Variants in COL17A1 observed in about 807,000 individuals in gnomAD.
COL17A1 encodes collagen type XVII alpha 1 chain.
A neutral mutation model predicts 218.4 loss-of-function variants in COL17A1; 181 were observed. The observed-to-expected ratio is 0.83, with a 90% CI of 0.73 to 0.94. The LOEUF is 0.94. COL17A1 is among the 40% of genes least tolerant of loss of function. COL17A1 has a pLI of 0.00. For synonymous variants in COL17A1, 721 were observed against 731.0 expected (o/e 0.99, Z 0.22); for missense variants, 1,924 against 1,945.9 (o/e 0.99, Z 0.21).
intron 9 of COL17A1, among the ~76,000 whole-genome samples, chr10:104,066,549 T>C (rs960163618): frequency 1.3e-5 from 2 of 152,106 alleles, no homozygotes; most frequent in Non-Finnish European, 2.9e-5. Context: ...AATTAGTGAA[T>C]TAACCCCCAT....
rs2134609520 is a variant in COL17A1, at chr10:104,052,349, G to A, written c.1940-132C>T. 2.5e-6 allele frequency: 3 copies of A among 1,177,360 alleles called. No homozygotes were observed. In the East Asian group the frequency reaches 7.1e-5, roughly 28 times the overall value. 72.9% of individuals were successfully genotyped at this position (1,177,360 alleles called of 1,614,324 possible). Reference sequence around the variant, plus strand: ...TTGGATCCATTTGGTGCCCCAGTGAGGCCACTTATCAGCAAAACTCCTTAG... The same window carrying A: ...TTGGATCCATTTGGTGCCCCAGTGAAGCCACTTATCAGCAAAACTCCTTAG... On this transcript the variant is annotated intron_variant, in intron 23 of 55. Transcript: ENST00000648076.
At chr10:104,047,998 G>C in intron 30 of COL17A1, 71 bp downstream of exon 30, 1 of 1,573,344 alleles carries the variant, frequency 6.4e-7, no homozygotes, top group Non-Finnish European at 8.8e-7. Flanking sequence ...TGGTTAAGGG[G>C]ACTGAGGGCT....
chr10:104,040,912 G>T (rs1172758468), intron 39 of COL17A1, among the ~76,000 whole-genome samples, 153 bp downstream of exon 39: 1 of 152,158 alleles, frequency 6.6e-6, no homozygotes, highest in Non-Finnish European at 1.5e-5. Context: ...CCCTCCATGT[G>T]CAGCAAGCAG....
intron 55 of COL17A1, 33 bp from the exon 56 acceptor site, chr10:104,032,323 CAT>C (rs1491132568): frequency 8.8e-6 from 14 of 1,593,998 alleles, no homozygotes; most frequent in Non-Finnish European, 1.0e-5. Flanking sequence ...GAAGTTAAAA[CAT>C]ATCTTGTGGC....
intron 24 of COL17A1, among the ~76,000 whole-genome samples, 200 bp downstream of exon 24, chr10:104,051,955 G>T (rs1232176073): frequency 6.6e-6 from 1 of 152,156 alleles, no homozygotes; most frequent in Non-Finnish European, 1.5e-5. Flanking sequence ...CCATTATGGG[G>T]CTAAACTTAC....
intron 50 of COL17A1, 57 bp from the exon 51 acceptor site, chr10:104,034,824 C>G: frequency 6.3e-7 from 1 of 1,593,028 alleles, no homozygotes; most frequent in Non-Finnish European, 8.5e-7. Context: ...AAGCTGAATT[C>G]CCAGCCTGTG....
At chr10:104,052,655 C>T (rs1055748418) in intron 23 of COL17A1, among the ~76,000 whole-genome samples, 2 of 152,152 alleles carry the variant, frequency 1.3e-5, no homozygotes, top group African/African-American at 4.8e-5. Context: ...TGGCCTCCTT[C>T]CAGCTAGGAA....
Position 104,059,680 on chromosome 10 carries a change from CT to C in COL17A1, c.1179del (p.Ala394LeufsTer9), listed in dbSNP as rs531930614. 7 of 1,614,232 alleles carry C rather than the reference CT, an allele frequency of 4.3e-6. No individual in the cohort carries two copies. The highest frequency in any genetic ancestry group is 5.9e-6 in the Non-Finnish European group (7 of 1,180,044). On this transcript the variant is annotated frameshift_variant, in exon 15 of 56. Coordinates refer to ENST00000648076, the MANE Select transcript of COL17A1 (RefSeq NM_000494.4). LOFTEE classifies it high-confidence loss of function. ...AGGCCTGAGTCAGCATTGTAGGCAG[CT>C]TGCTTTTCTTTTTTTAGGGTGTCTT... Reference protein sequence around the residue: ...FSEDTLKKEKQAAYNADSGLK... With the variant: ...FSEDTLKKEKXAAYNADSGLK...
intron 39 of COL17A1, 136 bp from the exon 40 acceptor site, chr10:104,040,546 G>T: frequency 2.1e-6 from 1 of 472,784 alleles, no homozygotes; most frequent in Non-Finnish European, 4.2e-6. Context: ...GGATGAATGG[G>T]TGGGTGGATG....
intron 9 of COL17A1, among the ~76,000 whole-genome samples, chr10:104,066,278 A>G (rs1315733062): frequency 6.6e-6 from 1 of 152,202 alleles, no homozygotes; most frequent in Admixed American, 6.5e-5. Context: ...AACTAAAAAG[A>G]CACCCTCTAA....
Position 104,057,141 on chromosome 10 carries a change from A to G in COL17A1, c.1299T>C (p.Gly433=). The G allele has an allele frequency of 3.7e-6, 6 of 1,609,128 alleles. No individual in the cohort carries two copies. The highest frequency in any genetic ancestry group is 1.7e-5 in the Admixed American group (1 of 59,978). The change falls in exon 17 of 56, where the codon GGT becomes GGC. Residue 433 remains glycine (G), a synonymous_variant. Transcript: ENST00000648076. ...DIHSYGSSGG[G]GSGGGGGVGG... is the part of the protein sequence containing the mutation. ...CAACACCGCCACCTCCTCCACTGCCACCACCACCACTGCTGCCGTAGCTGT... is the reference window on the plus strand; with the variant it reads ...CAACACCGCCACCTCCTCCACTGCCGCCACCACCACTGCTGCCGTAGCTGT...
chr10:104,037,303 TAAGA>T (rs1389951447), intron 46 of COL17A1, among the ~76,000 whole-genome samples, 190 bp from the exon 47 acceptor site: 6 of 150,802 alleles, frequency 4.0e-5, no homozygotes, highest in South Asian at 4.2e-4. Flanking sequence ...TTTTTTTTTG[TAAGA>T]AAGGAAGTTT....
In COL17A1 at chr10:104,055,995, C is replaced by T. The variant is rs369368216; in HGVS notation, c.1474G>A (p.Val492Met). The T allele has an allele frequency of 1.9e-6, 3 of 1,614,104 alleles. No homozygotes were observed. The highest frequency in any genetic ancestry group is 2.5e-6 in the Non-Finnish European group (3 of 1,180,034). ...TCCACACGCGCCTTCAGCTTCCTCACCTCCTCCGCTGCAACAAACAGACAC... is the reference window on the plus strand; with the variant it reads ...TCCACACGCGCCTTCAGCTTCCTCATCTCCTCCGCTGCAACAAACAGACAC... ...LFGLIALAEE[V>M]RKLKARVDEL... The change falls in exon 18 of 56, where the codon GTG (valine) becomes ATG (methionine). Residue 492 changes from valine to methionine, a missense_variant. Physicochemically the swap from Val to Met is conservative, Grantham distance 21. Coordinates refer to ENST00000648076, the MANE Select transcript of COL17A1 (RefSeq NM_000494.4).
At position 104,038,500 on chromosome 10, in the gene COL17A1, T is replaced by C; in HGVS notation, c.2976A>G (p.Ser992=). The change falls in exon 45 of 56, where the codon TCA becomes TCG. Residue 992 remains serine, a synonymous_variant. Coordinates refer to ENST00000648076, the MANE Select transcript of COL17A1 (RefSeq NM_000494.4). ...EGGSSSTMYV[S]GPPGPPGPPG... ...GGGGCCCAGGGGGCCCTGGCGGGCC[T>C]GACACGTACATGGTACTTGATGATC... is the stretch of plus-strand genomic sequence containing the variant. The C allele has an allele frequency of 1.2e-6, 2 of 1,613,520 alleles. No individual in the cohort carries two copies. The highest frequency in any genetic ancestry group is 2.2e-5 in the South Asian group (2 of 91,070).
At chr10:104,041,434 A>C in intron 37 of COL17A1, 51 bp downstream of exon 37, 1 of 1,603,450 alleles carries the variant, frequency 6.2e-7, no homozygotes, top group Non-Finnish European at 8.5e-7. Context: ...AGTGCATTGA[A>C]TCTCCTGTCC....
rs1219971142 is a variant in COL17A1 at position 104,037,037 on chromosome 10, T to A, written c.3277+8A>T. 6.2e-7 allele frequency: 1 copy of A among 1,601,528 alleles called. No individual in the cohort carries two copies. The highest frequency in any genetic ancestry group is 2.2e-5 in the East Asian group (1 of 44,644). On this transcript the variant is annotated splice_region_variant and intron_variant, in intron 47 of 55. Transcript: ENST00000648076. ...GTCCCACCCTCGATCCCCCCACAGG[T>A]GACTCACGCTGCAGCACAGCCAGAA...
At chr10:104,070,634 G>C in intron 8 of COL17A1, 65 bp from the exon 9 acceptor site, 2 of 1,612,602 alleles carry the variant, frequency 1.2e-6, no homozygotes, top group Non-Finnish European at 1.7e-6. Context: ...CTGTGCAACT[G>C]GGGGGAACAT....
chr10:104,082,140 G>A (rs750114986), intron 1 of COL17A1, among the ~76,000 whole-genome samples: 46 of 152,178 alleles, frequency 3.0e-4, no homozygotes, highest in African/African-American at 1.1e-3. Flanking sequence ...AACACAGCTC[G>A]AGGCAAGGAA....
Position 104,034,243 on chromosome 10 carries a change from G to A in COL17A1, c.3858C>T (p.Ala1286=). The A allele has an allele frequency of 6.2e-7, 1 of 1,610,658 alleles. No individual in the cohort carries two copies. Among genetic ancestry groups the A allele is most frequent in the Non-Finnish European group, 8.5e-7 (1 of 1,179,304 alleles). ...AGGAGCTGCTACCCCGACTGTGGGA[G>A]GCATCCGTGGACAGGAGGCGGCTGT... ...PGDSRLLSTD[A]SHSRGSSSSS... is the part of the protein sequence containing the mutation. Residue 1286 remains alanine, a synonymous_variant, in exon 52 of 56, where the codon GCC becomes GCT. Transcript: ENST00000648076.
Sources: allele counts gnomAD v4.1 joint callset (sites outside exome capture counted in the v4.1 genomes callset), GRCh38; gene constraint gnomAD v4.1.1; transcripts MANE v1.5; gene names NCBI Gene and HGNC (gene_info 2026-07-23, HGNC 2026-07-21).